KLHL11: variants seen among roughly 807,000 people sequenced by gnomAD.
KLHL11 encodes the protein kelch-like protein 11.
A neutral mutation model predicts 56.1 loss-of-function variants in KLHL11; 26 were observed. The observed-to-expected ratio is 0.46, with a 90% CI of 0.34 to 0.64. The LOEUF (loss-of-function observed/expected upper bound fraction) is 0.64. Among genes scored for constraint, KLHL11 ranks in the 30% least tolerant of loss-of-function variants. KLHL11 has a pLI of 0.01. For synonymous variants in KLHL11, 338 were observed against 345.8 expected (o/e 0.98, Z 0.25); for missense variants, 627 against 919.4 (o/e 0.68, Z 4.11).
At position 41,849,308 on chromosome 17, in the gene KLHL11, C is replaced by T. The variant is rs141654993; in HGVS notation, c.*4432G>A. The T allele has an allele frequency of 2.2e-4, 33 of 152,188 alleles. No homozygotes were observed. The highest frequency in any genetic ancestry group is 7.5e-4 in the African/African-American group (31 of 41,506). 9.4% of individuals were successfully genotyped at this position (152,188 alleles called of 1,614,324 possible). On this transcript the variant is annotated 3_prime_UTR_variant, in exon 2 of 2. Coordinates refer to ENST00000319121, the MANE Select transcript of KLHL11 (RefSeq NM_018143.3). ...TGAGAAAAGTATCAAAAAAGAAGTC[C>T]CTTTAGTTATGCTTGATTAGACCAA... is the stretch of plus-strand genomic sequence containing the variant.
rs2048325349 is a variant in KLHL11, at chr17:41,850,226, A to C, written c.*3514T>G. The C allele has an allele frequency of 6.6e-6, 1 of 152,232 alleles. No individual in the cohort carries two copies. Among genetic ancestry groups the C allele is most frequent in the Non-Finnish European group, 1.5e-5 (1 of 68,032 alleles). 9.4% of individuals were successfully genotyped at this position (152,232 alleles called of 1,614,324 possible). On this transcript the variant is annotated 3_prime_UTR_variant, in exon 2 of 2. Transcript: ENST00000319121. Reference sequence around the variant, plus strand: ...GTTAGTTAGGATATTTCAGAAACACAAGTTATTGATGTGAAATTACACATG... The same window carrying C: ...GTTAGTTAGGATATTTCAGAAACACCAGTTATTGATGTGAAATTACACATG...
rs782407439 is a variant in KLHL11, at chr17:41,853,989, C to T, written c.1878G>A (p.Gln626=). Residue 626 remains glutamine, a synonymous_variant, in exon 2 of 2, where the codon CAG becomes CAA. Coordinates refer to ENST00000319121, the MANE Select transcript of KLHL11 (RefSeq NM_018143.3). ...AATATCGGTAGGCTTCTTTCCGATA[C>T]TGTTTATCAATATCATCACTGTTTT... ...GWKNSDDIDK[Q]YRKEAYRYCA... 3 of 1,614,156 alleles carry T rather than the reference C, an allele frequency of 1.9e-6. No individual in the cohort carries two copies. Among genetic ancestry groups the T allele is most frequent in the African/African-American group, 2.7e-5 (2 of 75,052 alleles).
Position 41,852,406 on chromosome 17 carries a change from A to G in KLHL11, c.*1334T>C, listed in dbSNP as rs1204775258. On this transcript the variant is annotated 3_prime_UTR_variant, in exon 2 of 2. Transcript: ENST00000319121. ...AAAGTGTGGGGCAACTGGATAAAAT[A>G]TAACAATCAGAAATAATAAGGCTTC... Among the ~76,000 whole-genome samples the G allele has an allele frequency of 5.3e-5, 8 of 152,208 alleles. No homozygotes were observed. Among genetic ancestry groups the G allele is most frequent in the Admixed American group, 5.2e-4 (8 of 15,278 alleles).
chr17:41,857,565 TTTATA>T (rs1164257579), intron 1 of KLHL11, among the ~76,000 whole-genome samples: 1 of 150,514 alleles, frequency 6.6e-6, no homozygotes, highest in East Asian at 1.9e-4. Context: ...TAAAGTATTA[TTTATA>T]TTAGTTTATA....
At chr17:41,858,109 C>T (rs530013284) in intron 1 of KLHL11, among the ~76,000 whole-genome samples, 20 of 151,602 alleles carry the variant, frequency 1.3e-4, no homozygotes, top group Non-Finnish European at 2.5e-4. Flanking sequence ...TGAGCCACCA[C>T]GCCCGGCCAC....
At chr17:41,860,067 C>T (rs1260169921) in intron 1 of KLHL11, among the ~76,000 whole-genome samples, 1 of 152,146 alleles carries the variant, frequency 6.6e-6, no homozygotes, top group Non-Finnish European at 1.5e-5. Context: ...AAGGCAGGCT[C>T]CCTTCACTCT....
Position 41,854,278 on chromosome 17 carries a change from T to G in KLHL11, c.1589A>C (p.Glu530Ala). 6 of 1,614,200 alleles carry G rather than the reference T, an allele frequency of 3.7e-6. No homozygotes were observed. Among genetic ancestry groups the G allele is most frequent in the Non-Finnish European group, 5.1e-6 (6 of 1,180,032 alleles). ...LKAVITCYDT[E>A]TRQWQDVESL... ...TTCCACATCTTGCCACTGTCGAGTCTCTGTATCATAGCAAGTAATTACAGC... is the reference window on the plus strand; with the variant it reads ...TTCCACATCTTGCCACTGTCGAGTCGCTGTATCATAGCAAGTAATTACAGC... Residue 530 changes from glutamate (E) to alanine (A), a missense_variant, in exon 2 of 2, where the codon GAG (glutamate) becomes GCG (alanine). Glu to Ala is a moderately radical substitution (Grantham distance 107). Coordinates refer to ENST00000319121, the MANE Select transcript of KLHL11 (RefSeq NM_018143.3). The surrounding 1 kb of genome is among the most constrained non-coding windows in gnomAD (Gnocchi z 4.9).
intron 1 of KLHL11, among the ~76,000 whole-genome samples, chr17:41,855,791 C>T (rs1448321046): frequency 2.0e-5 from 3 of 150,990 alleles, no homozygotes; most frequent in Non-Finnish European, 2.9e-5. Context: ...CCTGCCTCAG[C>T]CTCCCAAGTA....
rs782055630 is a variant in KLHL11, at chr17:41,865,388, C to T, written c.-18G>A. ...GCCGCCATCTTGACGCCGCTGCGCCCGGCCTCCACAGCCTCGGAACGATGC... is the reference window on the plus strand; with the variant it reads ...GCCGCCATCTTGACGCCGCTGCGCCTGGCCTCCACAGCCTCGGAACGATGC... On this transcript the variant is annotated 5_prime_UTR_variant, in exon 1 of 2. Coordinates refer to ENST00000319121, the MANE Select transcript of KLHL11 (RefSeq NM_018143.3). The T allele has an allele frequency of 5.2e-6, 7 of 1,352,134 alleles. No individual in the cohort carries two copies. Among genetic ancestry groups the T allele is most frequent in the East Asian group, 2.8e-5 (1 of 35,654 alleles). 83.8% of individuals were successfully genotyped at this position (1,352,134 alleles called of 1,614,324 possible).
chr17:41,858,376 GC>G (rs1311076177), intron 1 of KLHL11, among the ~76,000 whole-genome samples: 61 of 149,054 alleles, frequency 4.1e-4, no homozygotes, highest in African/African-American at 1.5e-3. Flanking sequence ...ACAGGAACAT[GC>G]CACCAAACCC....
At position 41,851,860 on chromosome 17, in the gene KLHL11, G is replaced by A. The variant is rs1396997130; in HGVS notation, c.*1880C>T. ...CAGGAGGTGGAGGTTGTAGTGAGCC[G>A]AGATCATACCACTGTACTCCAACCT... On this transcript the variant is annotated 3_prime_UTR_variant, in exon 2 of 2. Transcript: ENST00000319121. Among the ~76,000 whole-genome samples the A allele has an allele frequency of 6.6e-6, 1 of 150,930 alleles. No homozygotes were observed. Among genetic ancestry groups the A allele is most frequent in the African/African-American group, 2.4e-5 (1 of 40,962 alleles).
rs2048324411 is a variant in KLHL11, at chr17:41,850,042, T to C, written c.*3698A>G. 6.6e-6 allele frequency: 1 copy of C among 152,220 alleles called. No individual in the cohort carries two copies. The highest frequency in any genetic ancestry group is 6.5e-5 in the Admixed American group (1 of 15,276). The allele number at this position is 152,220 out of a possible 1,614,324, so 9.4% of individuals were successfully genotyped here. A position where few individuals can be genotyped will look rare whatever the true frequency, so the allele number is the denominator to read the frequency against. ...ACCAAAAACAATATTTTAAGTTTTC[T>C]CATCAAAAAGGAAATTTCTTTCCCA... On this transcript the variant is annotated 3_prime_UTR_variant, in exon 2 of 2. Coordinates refer to ENST00000319121, the MANE Select transcript of KLHL11 (RefSeq NM_018143.3).
At chr17:41,863,005 C>T in intron 1 of KLHL11, among the ~76,000 whole-genome samples, 1 of 152,028 alleles carries the variant, frequency 6.6e-6, no homozygotes, top group African/African-American at 2.4e-5. Context: ...TTATACCCCA[C>T]GTCAAATCCA....
intron 1 of KLHL11, among the ~76,000 whole-genome samples, chr17:41,861,111 G>C (rs1555623033): frequency 6.6e-6 from 1 of 152,178 alleles, no homozygotes; most frequent in Non-Finnish European, 1.5e-5. Context: ...ACACTTTAAA[G>C]ATCTGACAGA....
In KLHL11 at chr17:41,854,070, G is replaced by A. The variant is rs562966381; in HGVS notation, c.1797C>T (p.Ile599=). The A allele has an allele frequency of 1.3e-4, 209 of 1,614,084 alleles. 1 individual carries two copies. In the South Asian group the frequency reaches 2.2e-3, roughly 17 times the overall value. Reference sequence around the variant, plus strand: ...TGTAATAGCAAATGGCTGCTCCTTCGATGCTTAGGACTTCTGGAGGCAAGC... The same window carrying A: ...TGTAATAGCAAATGGCTGCTCCTTCAATGCTTAGGACTTCTGGAGGCAAGC... The part of the protein sequence containing the change: ...LESLPPEVLS[I]EGAAICYYKD... The change falls in exon 2 of 2, where the codon ATC becomes ATT. Residue 599 remains isoleucine (I), a synonymous_variant. Coordinates refer to ENST00000319121, the MANE Select transcript of KLHL11 (RefSeq NM_018143.3). The surrounding 1 kb of genome is among the most constrained non-coding windows in gnomAD (Gnocchi z 4.9).
chr17:41,849,754 G>T lies in KLHL11; in HGVS notation c.*3986C>A, dbSNP rs2048322321. On this transcript the variant is annotated 3_prime_UTR_variant, in exon 2 of 2. Transcript: ENST00000319121. ...TAATCATGCAAACAACTGTAAGTGG[G>T]ATGTGTTACTTAAACACTAAGCTCA... The T allele has an allele frequency of 6.6e-6, 1 of 152,114 alleles. No homozygotes were observed. Among genetic ancestry groups the T allele is most frequent in the South Asian group, 2.1e-4 (1 of 4,834 alleles). 9.4% of individuals were successfully genotyped at this position (152,114 alleles called of 1,614,324 possible). A position where few individuals can be genotyped will look rare whatever the true frequency, so the allele number is the denominator to read the frequency against.
chr17:41,848,640 A>C lies in KLHL11; in HGVS notation c.*5100T>G. The C allele has an allele frequency of 4.4e-6, 1 of 228,358 alleles. No homozygotes were observed. The highest frequency in any genetic ancestry group is 8.7e-6 in the Non-Finnish European group (1 of 114,296). The allele number at this position is 228,358 out of a possible 1,614,324, so 14.1% of individuals were successfully genotyped here. A position where few individuals can be genotyped will look rare whatever the true frequency, so the allele number is the denominator to read the frequency against. Reference sequence around the variant, plus strand: ...AATGTCATGTCTCAAGGTGTTCTAAATGCTACATCTCCTCTGAGTTAAGGG... The same window carrying C: ...AATGTCATGTCTCAAGGTGTTCTAACTGCTACATCTCCTCTGAGTTAAGGG... On this transcript the variant is annotated 3_prime_UTR_variant, in exon 2 of 2. Transcript: ENST00000319121.
chr17:41,856,845 C>A (rs1240971071), intron 1 of KLHL11, among the ~76,000 whole-genome samples: 1 of 151,672 alleles, frequency 6.6e-6, no homozygotes. Flanking sequence ...CATGGTGAAA[C>A]CTTGTCTCTA....
In KLHL11 at chr17:41,850,094, T is replaced by C. The variant is rs989229013; in HGVS notation, c.*3646A>G. On this transcript the variant is annotated 3_prime_UTR_variant, in exon 2 of 2. Coordinates refer to ENST00000319121, the MANE Select transcript of KLHL11 (RefSeq NM_018143.3). ...GGAGCTATTTTAGGCCTGATCCTTGTACTTAGAACCTTTCCAAATACTCTG... is the reference window on the plus strand; with the variant it reads ...GGAGCTATTTTAGGCCTGATCCTTGCACTTAGAACCTTTCCAAATACTCTG... 6.6e-6 allele frequency: 1 copy of C among 152,218 alleles called. No individual in the cohort carries two copies. Among genetic ancestry groups the C allele is most frequent in the Non-Finnish European group, 1.5e-5 (1 of 68,022 alleles). The allele number at this position is 152,218 out of a possible 1,614,324, so 9.4% of individuals were successfully genotyped here.
Sources: gnomAD v4.1 joint callset for allele counts (sites outside exome capture counted in the v4.1 genomes callset) on GRCh38, gnomAD v4.1.1 for gene constraint, Gnocchi (gnomAD v3.1) non-coding constraint, MANE v1.5 for transcripts, NCBI Gene and HGNC (gene_info 2026-07-23, HGNC 2026-07-21) for gene names.